The following AKAP12 variants were observed in gnomAD, a reference collection of about 807,000 sequenced individuals.
AKAP12 encodes the protein A-kinase anchoring protein 12.
AKAP12 carries 32 observed loss-of-function variants against 79.9 expected under a neutral mutation model. The ratio of observed to expected loss-of-function variants is 0.40; its 90% CI spans 0.30 to 0.54. The LOEUF is 0.54. Ranked by LOEUF, AKAP12 falls within the 20% of genes least tolerant of loss-of-function variation. AKAP12 has a pLI of 0.48. For missense variants in AKAP12, 2,074 were observed against 2,177.0 expected (o/e 0.95, Z 0.94); for synonymous variants, 808 against 857.0 (o/e 0.94, Z 1.00).
chr6:151,249,941 C>T (rs1195771422), intron 2 of AKAP12, among the ~76,000 whole-genome samples: 5 of 152,102 alleles, frequency 3.3e-5, no homozygotes, highest in Non-Finnish European at 5.9e-5. Context: ...ACATGTGGCT[C>T]GTGGGCATGG....
chr6:151,293,315 C>T lies in AKAP12; in HGVS notation c.163-12432C>T, dbSNP rs529735020. Among the ~76,000 whole-genome samples, 6 of 152,326 alleles carry T rather than the reference C, an allele frequency of 3.9e-5. No individual in the cohort carries two copies. The South Asian group carries it at 1.2e-3, about 32-fold the overall frequency. ...ACTTGCACGTATGCTGTAGATAAAA[C>T]CTACTATGAATTTGCTGGTGCAGGG... On this transcript the variant is annotated intron_variant, in intron 2 of 4. Coordinates refer to ENST00000402676, the MANE Select transcript of AKAP12 (RefSeq NM_005100.4).
chr6:151,328,338 A>AAT (rs1162249727), intron 3 of AKAP12, among the ~76,000 whole-genome samples: 2 of 133,086 alleles, frequency 1.5e-5, no homozygotes, highest in East Asian at 4.6e-4. Context: ...AAAAAAAAAA[A>AAT]AAAAATTGAC....
Position 151,349,995 on chromosome 6 carries a change from G to C in AKAP12, c.1604G>C (p.Gly535Ala). The change falls in exon 4 of 5, where the codon GGG (glycine) becomes GCG (alanine). Residue 535 changes from glycine to alanine, a missense_variant. Gly to Ala is a moderately conservative substitution (Grantham distance 60). Around this residue, in one of 3 missense-constraint regions of AKAP12, gnomAD observed 1,428 missense variants for 1,451.0 expected, o/e 0.98. Transcript: ENST00000402676. ...AAGCTTTCTGGAAAGAAACAGAAAG[G>C]GAAAAGAGGAGGAGGAGACGAGGAA... ...LKKLSGKKQK[G>A]KRGGGDEESG... The C allele has an allele frequency of 1.2e-6, 2 of 1,614,140 alleles. No individual in the cohort carries two copies. Among genetic ancestry groups the C allele is most frequent in the Non-Finnish European group, 1.7e-6 (2 of 1,180,032 alleles).
At chr6:151,328,891 C>T (rs919425847) in intron 3 of AKAP12, among the ~76,000 whole-genome samples, 4 of 152,006 alleles carry the variant, frequency 2.6e-5, no homozygotes, top group Non-Finnish European at 4.4e-5. Context: ...TTATCCCCCT[C>T]CCCCCTGCCA....
intron 2 of AKAP12, among the ~76,000 whole-genome samples, chr6:151,280,337 T>G (rs1273505624): frequency 6.6e-6 from 1 of 152,058 alleles, no homozygotes; most frequent in Non-Finnish European, 1.5e-5. Flanking sequence ...TATTCATTTA[T>G]GCTTGTGCAA....
chr6:151,247,403 T>G (rs1204166823), intron 2 of AKAP12, among the ~76,000 whole-genome samples: 2 of 151,890 alleles, frequency 1.3e-5, no homozygotes, highest in Admixed American at 6.6e-5. Context: ...CCTATCTCTA[T>G]TTAAAAAAAC....
At chr6:151,289,237 G>A (rs76692558) in intron 2 of AKAP12, among the ~76,000 whole-genome samples, 5 of 152,288 alleles carry the variant, frequency 3.3e-5, no homozygotes, top group African/African-American at 1.2e-4. Flanking sequence ...GCCCTCGAGC[G>A]CAGACGGGGA....
chr6:151,241,116 G>A (rs1393768147), intron 2 of AKAP12, among the ~76,000 whole-genome samples: 1 of 152,240 alleles, frequency 6.6e-6, no homozygotes, highest in South Asian at 2.1e-4. Context: ...CGGGCCTCCG[G>A]AGCTCCGAGA....
intron 2 of AKAP12, among the ~76,000 whole-genome samples, chr6:151,276,239 AT>A (rs1296351137): frequency 2.0e-5 from 3 of 152,236 alleles, no homozygotes; most frequent in Non-Finnish European, 2.9e-5. Context: ...CTTGAATAAA[AT>A]TTAAATGTAG....
intron 2 of AKAP12, among the ~76,000 whole-genome samples, chr6:151,291,580 A>G (rs1306996184): frequency 6.6e-6 from 1 of 152,144 alleles, no homozygotes; most frequent in Non-Finnish European, 1.5e-5. Context: ...CGCGTCACTT[A>G]CTTTGGTATG....
intron 2 of AKAP12, among the ~76,000 whole-genome samples, chr6:151,266,836 C>A (rs76415651): frequency 6.6e-6 from 1 of 151,676 alleles, no homozygotes; most frequent in African/African-American, 2.4e-5. Flanking sequence ...GGAAAATATG[C>A]AAAACTGTAT....
At chr6:151,328,372 C>T (rs1363402834) in intron 3 of AKAP12, among the ~76,000 whole-genome samples, 2 of 149,072 alleles carry the variant, frequency 1.3e-5, no homozygotes, top group African/African-American at 2.5e-5. Context: ...GGCGCGGCGG[C>T]TCACGCCTGT....
At chr6:151,344,185 T>A (rs1309698547) in intron 3 of AKAP12, among the ~76,000 whole-genome samples, 2 of 152,206 alleles carry the variant, frequency 1.3e-5, no homozygotes, top group Non-Finnish European at 2.9e-5. Flanking sequence ...TTCTTCGCTA[T>A]CTGAAATGTT....
At chr6:151,342,543 GC>G (rs1476963303) in intron 3 of AKAP12, among the ~76,000 whole-genome samples, 1 of 152,174 alleles carries the variant, frequency 6.6e-6, no homozygotes, top group Non-Finnish European at 1.5e-5. Context: ...GTACGTGGAG[GC>G]CGAAATCAGG....
At chr6:151,317,329 C>T (rs1777259784) in intron 3 of AKAP12, among the ~76,000 whole-genome samples, 1 of 152,220 alleles carries the variant, frequency 6.6e-6, no homozygotes, top group South Asian at 2.1e-4. Flanking sequence ...TGTGGAACTA[C>T]AGAGAATAAA....
chr6:151,296,733 C>T (rs62441533), intron 2 of AKAP12, among the ~76,000 whole-genome samples: 21,664 of 152,142 alleles, frequency 0.14, 2,157 homozygotes, highest in Admixed American at 0.33. Context: ...GCCGAGATCA[C>T]GCCACTGCAC....
chr6:151,296,661 C>T (rs1776732349), intron 2 of AKAP12, among the ~76,000 whole-genome samples: 1 of 152,136 alleles, frequency 6.6e-6, no homozygotes, highest in Non-Finnish European at 1.5e-5. Context: ...CCTGTAATCC[C>T]AGCTACTCAG....
chr6:151,243,155 A>G, intron 2 of AKAP12, among the ~76,000 whole-genome samples: 1 of 152,232 alleles, frequency 6.6e-6, no homozygotes, highest in East Asian at 1.9e-4. Context: ...TCTTAAATAG[A>G]CAAATATATG....
intron 2 of AKAP12, among the ~76,000 whole-genome samples, chr6:151,295,571 C>T (rs1776707644): frequency 1.3e-5 from 2 of 152,136 alleles, no homozygotes; most frequent in Admixed American, 1.3e-4. Flanking sequence ...GCAAGCACTG[C>T]CATTTCAAAC....
Sources: allele counts gnomAD v4.1 joint callset (sites outside exome capture counted in the v4.1 genomes callset), GRCh38; gene constraint gnomAD v4.1.1; regional missense constraint gnomAD v4.1.1; transcripts MANE v1.5; gene names NCBI Gene and HGNC (gene_info 2026-07-23, HGNC 2026-07-21).